GALK2: variants seen among roughly 807,000 people sequenced by gnomAD.
GALK2 encodes the protein N-acetylgalactosamine kinase.
In GALK2, 36 loss-of-function variants were observed where a neutral mutation model predicts 52.4. That is an observed-to-expected ratio of 0.69 (90% CI 0.53 to 0.91). The LOEUF is 0.91. GALK2 is among the 40% of genes least tolerant of loss of function. The probability of loss-of-function intolerance (pLI) is 0.00; values close to 1 mark genes in which losing one functional copy is unlikely to be tolerated. For synonymous variants in GALK2, 176 were observed against 199.1 expected, an observed-to-expected ratio of 0.88 and a Z score of 0.98; for missense variants, 579 against 559.1, an observed-to-expected ratio of 1.04 and a Z score of -0.36.
Position 49,322,823 on chromosome 15 carries a change from G to A in GALK2, c.1169+3018G>A, listed in dbSNP as rs1391174067. 3.9e-5 allele frequency among the ~76,000 whole-genome samples: 6 copies of A among 152,102 alleles called. No individual in the cohort carries two copies. The East Asian group carries it at 5.8e-4, about 15-fold the overall frequency. ...ATACAAAAAATTAGCCGAGCGTGGC[G>A]GCATGCGCCTGTAGTCCCAGCTACT... On this transcript the variant is annotated intron_variant, in intron 9 of 9. Transcript: ENST00000560031.
chr15:49,292,363 G>C lies in GALK2; in HGVS notation c.793G>C (p.Val265Leu). Residue 265 changes from valine to leucine, a missense_variant, in exon 8 of 10, where the codon GTA (valine) becomes CTA (leucine). Physicochemically the swap from Val to Leu is conservative, Grantham distance 32. Coordinates refer to ENST00000560031, the MANE Select transcript of GALK2 (RefSeq NM_002044.4). Reference sequence around the variant, plus strand: ...ATACAAAAGCTTGCAATGGGACAAAGTACTGAGGCTGGAGGAGGTGCAGGC... The same window carrying C: ...ATACAAAAGCTTGCAATGGGACAAACTACTGAGGCTGGAGGAGGTGCAGGC... The part of the protein sequence containing the change: ...AKYKSLQWDK[V>L]LRLEEVQAKL... 1.2e-6 allele frequency: 2 copies of C among 1,614,094 alleles called. No individual in the cohort carries two copies. Among genetic ancestry groups the C allele is most frequent in the Non-Finnish European group, 1.7e-6 (2 of 1,179,970 alleles).
intron 8 of GALK2, among the ~76,000 whole-genome samples, chr15:49,294,448 G>A (rs1050151637): frequency 1.3e-5 from 2 of 152,116 alleles, no homozygotes; most frequent in African/African-American, 2.4e-5. Context: ...ATCACCAAAG[G>A]CCTTATTAAA....
In GALK2 at chr15:49,264,300, C is replaced by T. The variant is rs2092267740; in HGVS notation, c.505-17687C>T. 2.6e-5 allele frequency among the ~76,000 whole-genome samples: 4 copies of T among 152,132 alleles called. No individual in the cohort carries two copies. In the South Asian group the frequency reaches 8.3e-4, roughly 32 times the overall value. ...ATTCTTTTTTCTCTAAACCTCCCTTCTCGCTTCATTTCATTCATTTCATCT... is the reference window on the plus strand; with the variant it reads ...ATTCTTTTTTCTCTAAACCTCCCTTTTCGCTTCATTTCATTCATTTCATCT... On this transcript the variant is annotated intron_variant, in intron 5 of 9. Coordinates refer to ENST00000560031, the MANE Select transcript of GALK2 (RefSeq NM_002044.4).
At chr15:49,326,900 A>G (rs1234361572) in intron 9 of GALK2, 1 of 152,204 alleles carries the variant, frequency 6.6e-6, no homozygotes, top group Non-Finnish European at 1.5e-5. Flanking sequence ...TAGAGGTAGT[A>G]TTCTATTGAT....
At chr15:49,344,682 C>T (rs901763446) in intron 3 of GALK2, among the ~76,000 whole-genome samples, 1 of 152,196 alleles carries the variant, frequency 6.6e-6, no homozygotes, top group African/African-American at 2.4e-5. Context: ...ATTACATAAA[C>T]AAGAAGTCTG....
intron 8 of GALK2, among the ~76,000 whole-genome samples, chr15:49,296,141 A>C (rs2034457641): frequency 1.3e-5 from 2 of 151,890 alleles, no homozygotes; most frequent in African/African-American, 4.8e-5. Context: ...ACTTAATTTT[A>C]GGTTCAGGGC....
Position 49,288,569 on chromosome 15 carries a change from A to G in GALK2, c.757-3758A>G, listed in dbSNP as rs1238522159. Among the ~76,000 whole-genome samples, 7 of 152,164 alleles carry G rather than the reference A, an allele frequency of 4.6e-5. 1 individual carries two copies. In the South Asian group the frequency reaches 8.3e-4, roughly 18 times the overall value. On this transcript the variant is annotated intron_variant, in intron 7 of 9. Transcript: ENST00000560031. ...CTTGAATTTGAGCAGAGAAAAACCA[A>G]ATACTCAAGAATGTAGCCAATTTCA...
chr15:49,365,908 C>A (rs2045092308), intron 3 of GALK2: 2 of 967,298 alleles, frequency 2.1e-6, no homozygotes, highest in Non-Finnish European at 1.7e-6. Flanking sequence ...GTTGTACAGA[C>A]TCATTGCTGA....
chr15:49,339,148 TTC>T (rs1476650755), intron 3 of GALK2, among the ~76,000 whole-genome samples: 5 of 152,310 alleles, frequency 3.3e-5, no homozygotes, highest in African/African-American at 1.2e-4. Context: ...GTCAAACTTA[TTC>T]TCTGTCCAGT....
Position 49,331,121 on chromosome 15 carries a change from G to A in GALK2, c.*2962G>A, listed in dbSNP as rs8040134. 0.41 allele frequency: 61,929 copies of A among 152,048 alleles called. 12,793 individuals carry two copies. Among genetic ancestry groups the A allele is most frequent in the African/African-American group, 0.43 (17,762 of 41,470 alleles). 9.4% of individuals were successfully genotyped at this position (152,048 alleles called of 1,614,324 possible). A position where few individuals can be genotyped will look rare whatever the true frequency, so the allele number is the denominator to read the frequency against. On this transcript the variant is annotated 3_prime_UTR_variant, in exon 10 of 10. Transcript: ENST00000560031. ...CATTATACTAGCAGCCAATGGGATT[G>A]CTCTAGATTTTTGAATGGAAGCCTT...
upstream of GALK2, among the ~76,000 whole-genome samples, chr15:49,167,820 G>A (rs1040388130): frequency 1.3e-5 from 2 of 152,198 alleles, no homozygotes; most frequent in African/African-American, 4.8e-5. Context: ...AAGATGCCTA[G>A]TATAAGGAAG....
Position 49,329,490 on chromosome 15 carries a change from T to C in GALK2, c.*1331T>C. 1.0e-6 allele frequency: 1 copy of C among 985,338 alleles called. No individual in the cohort carries two copies. Among genetic ancestry groups the C allele is most frequent in the Non-Finnish European group, 1.2e-6 (1 of 829,846 alleles). The allele number at this position is 985,338 out of a possible 1,614,324, so 61.0% of individuals were successfully genotyped here. On this transcript the variant is annotated 3_prime_UTR_variant, in exon 10 of 10. Coordinates refer to ENST00000560031, the MANE Select transcript of GALK2 (RefSeq NM_002044.4). ...TTAACTCACAGATTGGGCATCACCATCTAGAATTTCAGTTTAAGGGAGGCC... is the reference window on the plus strand; with the variant it reads ...TTAACTCACAGATTGGGCATCACCACCTAGAATTTCAGTTTAAGGGAGGCC...
intron 1 of GALK2, among the ~76,000 whole-genome samples, chr15:49,188,319 A>G (rs1487135410): frequency 6.6e-6 from 1 of 152,128 alleles, no homozygotes; most frequent in Non-Finnish European, 1.5e-5. Flanking sequence ...GGGATGGGCA[A>G]TTTCCCTCTA....
intron 5 of GALK2, among the ~76,000 whole-genome samples, chr15:49,272,525 G>A (rs754618398): frequency 1.6e-4 from 25 of 152,164 alleles, no homozygotes; most frequent in Non-Finnish European, 3.1e-4. Context: ...CAGTTCCCGG[G>A]TGACATCAAT....
chr15:49,361,473 C>G (rs943115255), intron 3 of GALK2, among the ~76,000 whole-genome samples: 10 of 152,252 alleles, frequency 6.6e-5, no homozygotes, highest in African/African-American at 2.4e-4. Flanking sequence ...TGTTTAGCTC[C>G]TACTTATTAG....
intron 5 of GALK2, among the ~76,000 whole-genome samples, chr15:49,270,727 T>A (rs75612464): frequency 0.17 from 25,796 of 152,234 alleles, 2,455 homozygotes; most frequent in Non-Finnish European, 0.21. Context: ...TTTGGTTGAC[T>A]CGGATTATGA....
chr15:49,297,726 A>G (rs1038611336), intron 8 of GALK2, among the ~76,000 whole-genome samples: 2 of 152,170 alleles, frequency 1.3e-5, no homozygotes, highest in African/African-American at 4.8e-5. Flanking sequence ...TTCGTCAAAG[A>G]TCAGATGGCT....
intron 3 of GALK2, chr15:49,365,682 CA>C (rs2045035127): frequency 3.2e-6 from 3 of 938,516 alleles, no homozygotes; most frequent in Non-Finnish European, 5.3e-6. Context: ...TGAAGCTGGC[CA>C]ACTTCAGTGT....
chr15:49,328,571 G>C lies in GALK2; in HGVS notation c.*412G>C. On this transcript the variant is annotated 3_prime_UTR_variant, in exon 10 of 10. Coordinates refer to ENST00000560031, the MANE Select transcript of GALK2 (RefSeq NM_002044.4). ...TAGAGTTCATTTCTGGTTTCTCTTA[G>C]TATTCTTCTTCCTCAAAGTTGTAGT... 2.5e-6 allele frequency: 4 copies of C among 1,604,348 alleles called. No individual in the cohort carries two copies. The highest frequency in any genetic ancestry group is 1.7e-4 in the Middle Eastern group (1 of 6,048).
Sources: allele counts gnomAD v4.1 joint callset (sites outside exome capture counted in the v4.1 genomes callset), GRCh38; gene constraint gnomAD v4.1.1; transcripts MANE v1.5; gene names NCBI Gene and HGNC (gene_info 2026-07-23, HGNC 2026-07-21).